The following FAM227B variants were observed in gnomAD, a reference collection of about 807,000 sequenced individuals.
FAM227B encodes the protein protein FAM227B.
In FAM227B, 88 loss-of-function variants were observed where a neutral mutation model predicts 73.8. That is an observed-to-expected ratio of 1.19 (90% CI 1.00 to 1.42). The LOEUF is 1.42. Among genes scored for constraint, FAM227B ranks in the 40% most tolerant of loss-of-function variants. The pLI, the probability that FAM227B is intolerant of heterozygous loss-of-function variation, is 0.00. For missense variants in FAM227B, 632 were observed against 590.9 expected, an observed-to-expected ratio of 1.07 and a Z score of -0.72; for synonymous variants, 210 against 190.5, an observed-to-expected ratio of 1.10 and a Z score of -0.84.
chr15:49,376,291 A>G (rs569171835), intron 11 of FAM227B, among the ~76,000 whole-genome samples: 1 of 151,976 alleles, frequency 6.6e-6, no homozygotes, highest in African/African-American at 2.4e-5. Context: ...TTTTGAGTTA[A>G]ATTTTGTATA....
At chr15:49,395,129 G>C (rs574186348) in intron 11 of FAM227B, among the ~76,000 whole-genome samples, 36 of 152,056 alleles carry the variant, frequency 2.4e-4, no homozygotes, top group Non-Finnish European at 4.3e-4. Flanking sequence ...ACTTACCAAT[G>C]TCTTCTTCCT....
At chr15:49,609,561 T>C (rs1410617308) in intron 3 of FAM227B, among the ~76,000 whole-genome samples, 1 of 151,970 alleles carries the variant, frequency 6.6e-6, no homozygotes, top group Non-Finnish European at 1.5e-5. Flanking sequence ...AGGGCAGGCA[T>C]CTTTGCTTGT....
chr15:49,484,181 C>A, intron 11 of FAM227B: 1 of 606,934 alleles, frequency 1.6e-6, no homozygotes, highest in Non-Finnish European at 2.9e-6. Flanking sequence ...ATTAGGCCTG[C>A]TCAATCTGAG....
At chr15:49,357,300 G>C (rs1409725259) in intron 13 of FAM227B, among the ~76,000 whole-genome samples, 16 of 150,618 alleles carry the variant, frequency 1.1e-4, no homozygotes, top group Admixed American at 8.6e-4. Context: ...CCAGGAGCTG[G>C]TTTTTTGAAA....
chr15:49,466,798 T>A (rs1278019174), intron 11 of FAM227B, among the ~76,000 whole-genome samples: 1 of 152,184 alleles, frequency 6.6e-6, no homozygotes, highest in East Asian at 1.9e-4. Flanking sequence ...CCTTTTTAAA[T>A]TTTTTAATTA....
chr15:49,340,787 TTTTG>T (rs1240908203), intron 13 of FAM227B, among the ~76,000 whole-genome samples: 14 of 152,208 alleles, frequency 9.2e-5, no homozygotes, highest in Non-Finnish European at 1.8e-4. Flanking sequence ...ACTTGTCAAT[TTTTG>T]TTTTTGTTGC....
chr15:49,525,813 G>T (rs1424825302), intron 10 of FAM227B, among the ~76,000 whole-genome samples: 1 of 148,402 alleles, frequency 6.7e-6, no homozygotes, highest in South Asian at 2.1e-4. Context: ...GACAAAGAAG[G>T]ATATCATATG....
chr15:49,334,055 T>C (rs2039278014), intron 14 of FAM227B, among the ~76,000 whole-genome samples: 1 of 152,248 alleles, frequency 6.6e-6, no homozygotes, highest in African/African-American at 2.4e-5. Flanking sequence ...TGATAATGTT[T>C]AGCAATTAAT....
chr15:49,445,881 T>C (rs1196623064), intron 11 of FAM227B, among the ~76,000 whole-genome samples: 2 of 151,538 alleles, frequency 1.3e-5, no homozygotes, highest in Admixed American at 1.3e-4. Flanking sequence ...TGAAATTAGA[T>C]AGAAAGTTTA....
chr15:49,453,736 T>C (rs1261730449), intron 11 of FAM227B, among the ~76,000 whole-genome samples: 1 of 152,196 alleles, frequency 6.6e-6, no homozygotes, highest in Non-Finnish European at 1.5e-5. Context: ...TTTCTTGAGC[T>C]CTTGTTACAT....
chr15:49,570,175 G>A (rs920272441), intron 8 of FAM227B, among the ~76,000 whole-genome samples: 4 of 151,986 alleles, frequency 2.6e-5, no homozygotes. Flanking sequence ...GGAGCATGTG[G>A]TAGTTCTATT....
intron 11 of FAM227B, among the ~76,000 whole-genome samples, chr15:49,449,683 A>G (rs1184729934): frequency 1.3e-5 from 2 of 152,052 alleles, no homozygotes; most frequent in African/African-American, 4.8e-5. Flanking sequence ...TCCCTTTCAG[A>G]TGAATTGCTG....
At chr15:49,597,254 C>A (rs1474821597) in intron 3 of FAM227B, among the ~76,000 whole-genome samples, 1 of 151,794 alleles carries the variant, frequency 6.6e-6, no homozygotes, top group Non-Finnish European at 1.5e-5. Flanking sequence ...TCAAGAAAAT[C>A]AAAATTACAT....
At chr15:49,541,528 A>T (rs2071067693) in intron 10 of FAM227B, 152 bp downstream of exon 10, 1 of 605,164 alleles carries the variant, frequency 1.7e-6, no homozygotes, top group Non-Finnish European at 2.5e-6. Flanking sequence ...AGAAGAAAAT[A>T]AATAACATTT....
intron 10 of FAM227B, among the ~76,000 whole-genome samples, chr15:49,521,977 C>A (rs1431332773): frequency 2.0e-5 from 3 of 152,108 alleles, no homozygotes; most frequent in Admixed American, 1.3e-4. Context: ...GGCTTCCAGT[C>A]TTAAGCACCA....
intron 11 of FAM227B, among the ~76,000 whole-genome samples, chr15:49,420,412 C>CA (rs1054075232): frequency 2.6e-5 from 4 of 151,288 alleles, no homozygotes; most frequent in South Asian, 2.1e-4. Flanking sequence ...AAAAAAAATA[C>CA]AAAAAAATGC....
chr15:49,332,474 A>G (rs2038972937), intron 14 of FAM227B, among the ~76,000 whole-genome samples: 1 of 152,192 alleles, frequency 6.6e-6, no homozygotes, highest in Admixed American at 6.5e-5. Context: ...TTCAAGAAAT[A>G]TTTATGAAGG....
chr15:49,484,731 G>A (rs2056263021), intron 11 of FAM227B: 1 of 359,104 alleles, frequency 2.8e-6, no homozygotes, highest in Non-Finnish European at 5.0e-6. Flanking sequence ...AGTAACTAAA[G>A]GTTGTAAAAA....
intron 13 of FAM227B, among the ~76,000 whole-genome samples, chr15:49,360,424 T>G (rs888370328): frequency 6.6e-6 from 1 of 152,112 alleles, no homozygotes; most frequent in African/African-American, 2.4e-5. Flanking sequence ...ACGAGACCCA[T>G]ACAGACTACA....
Sources: allele counts gnomAD v4.1 joint callset (sites outside exome capture counted in the v4.1 genomes callset), GRCh38; gene constraint gnomAD v4.1.1; transcripts MANE v1.5; gene names NCBI Gene and HGNC (gene_info 2026-07-23, HGNC 2026-07-21).